OSBPL6: variants seen among roughly 807,000 people sequenced by gnomAD.
OSBPL6 encodes oxysterol-binding protein-related protein 6.
Under a neutral mutation model 125.8 loss-of-function variants are expected in OSBPL6, and 49 were observed. The observed-to-expected ratio is 0.39, with a 90% CI of 0.31 to 0.49. The LOEUF is 0.49. Among genes scored for constraint, OSBPL6 ranks in the 20% least tolerant of loss-of-function variants. The pLI, the probability that OSBPL6 is intolerant of heterozygous loss-of-function variation, is 0.88. For missense variants in OSBPL6, 986 were observed against 1,135.4 expected (o/e 0.87, Z 1.89); for synonymous variants, 394 against 391.8 (o/e 1.01, Z -0.07).
chr2:178,294,909 C>G (rs1285561767), intron 2 of OSBPL6, among the ~76,000 whole-genome samples: 1 of 145,640 alleles, frequency 6.9e-6, no homozygotes, highest in African/African-American at 2.5e-5. Context: ...AAAATCTACT[C>G]TCTTAGCAAT....
At chr2:178,251,417 T>C (rs185393321) in intron 1 of OSBPL6, among the ~76,000 whole-genome samples, 12 of 152,158 alleles carry the variant, frequency 7.9e-5, no homozygotes, top group Non-Finnish European at 1.3e-4. Context: ...GTGTTTAATT[T>C]TCTGTGGCAT....
Position 178,197,708 on chromosome 2 carries a change from G to C in OSBPL6, c.-351+3034G>C, listed in dbSNP as rs142662894. The stretch of plus-strand genomic sequence containing the variant: ...CTCTTTCAAATTATCTTATTACACT[G>C]TATTTACCTATTCTCAGAACCAGAT... On this transcript the variant is annotated intron_variant, in intron 1 of 24. Coordinates refer to ENST00000190611, the MANE Select transcript of OSBPL6 (RefSeq NM_032523.4). Among the ~76,000 whole-genome samples, 851 of 152,078 alleles carry C rather than the reference G, an allele frequency of 5.6e-3. 14 individuals are homozygous for C. Among genetic ancestry groups the C allele is most frequent in the African/African-American group, 0.019 (786 of 41,474 alleles).
chr2:178,336,449 G>T lies in OSBPL6; in HGVS notation c.790+16G>T. On this transcript the variant is annotated intron_variant, in intron 9 of 24. Coordinates refer to ENST00000190611, the MANE Select transcript of OSBPL6 (RefSeq NM_032523.4). Reference sequence around the variant, plus strand: ...TGTGCAGAAGGTTAGTTCTTGCCCAGTGTGGCCTGAGAGTAAGCCAAAACC... The same window carrying T: ...TGTGCAGAAGGTTAGTTCTTGCCCATTGTGGCCTGAGAGTAAGCCAAAACC... The T allele has an allele frequency of 6.2e-7, 1 of 1,612,314 alleles. No individual in the cohort carries two copies. Among genetic ancestry groups the T allele is most frequent in the Non-Finnish European group, 8.5e-7 (1 of 1,179,310 alleles).
At chr2:178,332,807 C>T in intron 7 of OSBPL6, 53 bp downstream of exon 7, 1 of 1,610,752 alleles carries the variant, frequency 6.2e-7, no homozygotes, top group Non-Finnish European at 8.5e-7. Context: ...AACGATTTGC[C>T]TACACCAGTG....
At chr2:178,281,010 CTTTTTT>C (rs55986941) in intron 1 of OSBPL6, among the ~76,000 whole-genome samples, 1 of 131,494 alleles carries the variant, frequency 7.6e-6, no homozygotes, top group South Asian at 2.4e-4. Context: ...TTGCTTTTGA[CTTTTTT>C]TTTTTTTTTT....
chr2:178,351,948 T>C (rs1691299980), intron 12 of OSBPL6, among the ~76,000 whole-genome samples: 2 of 152,186 alleles, frequency 1.3e-5, no homozygotes. Flanking sequence ...TGACACATGT[T>C]TGCCTATGTA....
intron 1 of OSBPL6, among the ~76,000 whole-genome samples, chr2:178,261,157 A>AAAC (rs1442798342): frequency 6.6e-6 from 1 of 151,598 alleles, no homozygotes; most frequent in Non-Finnish European, 1.5e-5. Context: ...AAACAAAACA[A>AAAC]AACAACAACA....
At chr2:178,294,703 G>A (rs140902444) in intron 2 of OSBPL6, among the ~76,000 whole-genome samples, 101 of 146,004 alleles carry the variant, frequency 6.9e-4, no homozygotes, top group Non-Finnish European at 1.3e-3. Context: ...AGTTAGTTTC[G>A]GCCACCACAG....
chr2:178,343,603 GA>G (rs1389368356), intron 11 of OSBPL6, among the ~76,000 whole-genome samples: 3 of 152,066 alleles, frequency 2.0e-5, no homozygotes, highest in African/African-American at 4.8e-5. Flanking sequence ...TTTCATAGTT[GA>G]TTTTTATAGG....
At chr2:178,240,527 C>T (rs1255126144) in intron 1 of OSBPL6, among the ~76,000 whole-genome samples, 2 of 152,110 alleles carry the variant, frequency 1.3e-5, no homozygotes, top group African/African-American at 2.4e-5. Context: ...GAGATCCTGC[C>T]GCTGCACTGC....
chr2:178,329,090 T>A (rs976110064), intron 5 of OSBPL6, among the ~76,000 whole-genome samples: 1 of 152,202 alleles, frequency 6.6e-6, no homozygotes, highest in African/African-American at 2.4e-5. Flanking sequence ...AGACATGCCT[T>A]ATTTTTTTAC....
intron 1 of OSBPL6, among the ~76,000 whole-genome samples, chr2:178,284,374 G>A (rs573547575): frequency 6.6e-6 from 1 of 152,272 alleles, no homozygotes; most frequent in African/African-American, 2.4e-5. Context: ...CCAACATGGT[G>A]AAACTCCATC....
chr2:178,243,448 A>G (rs2153992648), intron 1 of OSBPL6, among the ~76,000 whole-genome samples: 1 of 152,236 alleles, frequency 6.6e-6, no homozygotes, highest in East Asian at 1.9e-4. Context: ...CTGTTGTTGT[A>G]GGGGCCACTC....
At chr2:178,201,782 A>G (rs1309171709) in intron 1 of OSBPL6, among the ~76,000 whole-genome samples, 3 of 152,246 alleles carry the variant, frequency 2.0e-5, no homozygotes, top group African/African-American at 7.2e-5. Context: ...ACATGTATGT[A>G]CAGATGTAGA....
At chr2:178,231,518 A>G (rs535044254) in intron 1 of OSBPL6, among the ~76,000 whole-genome samples, 1 of 152,216 alleles carries the variant, frequency 6.6e-6, no homozygotes, top group South Asian at 2.1e-4. Flanking sequence ...GCTTGTCATT[A>G]AAGGAAAACC....
intron 1 of OSBPL6, among the ~76,000 whole-genome samples, chr2:178,256,980 TAA>T (rs965632162): frequency 6.6e-6 from 1 of 150,822 alleles, no homozygotes; most frequent in African/African-American, 2.4e-5. Flanking sequence ...CAGACAAATT[TAA>T]AAAAAAAATT....
At chr2:178,203,207 T>C (rs1404271654) in intron 1 of OSBPL6, among the ~76,000 whole-genome samples, 2 of 152,192 alleles carry the variant, frequency 1.3e-5, no homozygotes, top group East Asian at 3.8e-4. Flanking sequence ...CTTTTTAAAT[T>C]GAGGTAGAGT....
chr2:178,270,729 A>G (rs1323319839), intron 1 of OSBPL6, among the ~76,000 whole-genome samples: 1 of 152,200 alleles, frequency 6.6e-6, no homozygotes, highest in East Asian at 1.9e-4. Flanking sequence ...GTGTGAAGAA[A>G]GTATGATGTA....
chr2:178,344,510 G>A, intron 11 of OSBPL6: 1 of 688,078 alleles, frequency 1.5e-6, no homozygotes, highest in Non-Finnish European at 2.4e-6. Flanking sequence ...TTCTCTGGCT[G>A]TCTTTGCATG....
Sources: allele counts gnomAD v4.1 joint callset (sites outside exome capture counted in the v4.1 genomes callset), GRCh38; gene constraint gnomAD v4.1.1; transcripts MANE v1.5; gene names NCBI Gene and HGNC (gene_info 2026-07-23, HGNC 2026-07-21).